Variants in HTR4 observed in about 807,000 individuals in gnomAD.
HTR4 encodes the protein 5-hydroxytryptamine (serotonin) receptor 4, G protein-coupled.
Under a neutral mutation model 36.8 loss-of-function variants are expected in HTR4, and 16 were observed. The ratio of observed to expected loss-of-function variants is 0.43; its 90% CI spans 0.29 to 0.66. The LOEUF (loss-of-function observed/expected upper bound fraction) is 0.66. HTR4 is among the 30% of genes least tolerant of loss of function. The pLI, the probability that HTR4 is intolerant of heterozygous loss-of-function variation, is 0.13. For missense variants in HTR4, 438 were observed against 490.9 expected, an observed-to-expected ratio of 0.89 and a Z score of 1.02; for synonymous variants, 189 against 185.1, an observed-to-expected ratio of 1.02 and a Z score of -0.17.
At chr5:148,616,929 T>C (rs1193251400) in intron 2 of HTR4, among the ~76,000 whole-genome samples, 1 of 152,228 alleles carries the variant, frequency 6.6e-6, no homozygotes, top group Non-Finnish European at 1.5e-5. Flanking sequence ...AGCTATTAGA[T>C]AACTCTACTA....
intron 4 of HTR4, among the ~76,000 whole-genome samples, chr5:148,528,219 A>G (rs536847994): frequency 2.0e-5 from 3 of 152,176 alleles, no homozygotes; most frequent in Non-Finnish European, 4.4e-5. Context: ...AAAAATACTG[A>G]ATTATGTCTA....
chr5:148,654,337 C>T lies in HTR4; in HGVS notation c.-323G>A. ...CCCCAACCGAGCCGGACTCCACGGG[C>T]TCAACAGCCCCCAGCCCCGGTGGTC... On this transcript the variant is annotated 5_prime_UTR_variant, in exon 1 of 7. Transcript: ENST00000377888. 1.0e-6 allele frequency: 1 copy of T among 984,890 alleles called. No individual in the cohort carries two copies. Among genetic ancestry groups the T allele is most frequent in the African/African-American group, 1.7e-5 (1 of 57,366 alleles). The allele number at this position is 984,890 out of a possible 1,614,324, so 61.0% of individuals were successfully genotyped here. A position where few individuals can be genotyped will look rare whatever the true frequency, so the allele number is the denominator to read the frequency against.
chr5:148,534,161 G>A (rs1758703567), intron 4 of HTR4, among the ~76,000 whole-genome samples: 1 of 152,164 alleles, frequency 6.6e-6, no homozygotes, highest in African/African-American at 2.4e-5. Context: ...GGGTAAACAG[G>A]TCATGTATAG....
chr5:148,460,842 C>G (rs1005965777), intron 5 of HTR4, among the ~76,000 whole-genome samples: 2 of 152,000 alleles, frequency 1.3e-5, no homozygotes, highest in Non-Finnish European at 2.9e-5. Flanking sequence ...TTTTATGCTC[C>G]TCAATGGAGT....
downstream of HTR4, among the ~76,000 whole-genome samples, chr5:148,478,628 C>G (rs1755779461): frequency 6.6e-6 from 1 of 152,050 alleles, no homozygotes; most frequent in Non-Finnish European, 1.5e-5. Flanking sequence ...GCTTTAGGCT[C>G]CCAAGAACAT....
intron 2 of HTR4, among the ~76,000 whole-genome samples, chr5:148,607,371 C>T (rs771545287): frequency 2.6e-5 from 4 of 152,158 alleles, no homozygotes; most frequent in South Asian, 2.1e-4. Context: ...GTTGGCCTAG[C>T]CTGCCCATGC....
At chr5:148,454,395 A>G (rs1478430982) in intron 5 of HTR4, among the ~76,000 whole-genome samples, 1 of 152,196 alleles carries the variant, frequency 6.6e-6, no homozygotes, top group African/African-American at 2.4e-5. Flanking sequence ...ACCACTTACC[A>G]ACTTTGTGAC....
intron 6 of HTR4, among the ~76,000 whole-genome samples, chr5:148,505,104 A>G (rs934193750): frequency 5.9e-5 from 9 of 152,186 alleles, no homozygotes; most frequent in African/African-American, 1.9e-4. Flanking sequence ...CCTGATGAAC[A>G]CTGATGCAAA....
intron 2 of HTR4, among the ~76,000 whole-genome samples, chr5:148,600,232 G>A (rs1002928227): frequency 1.1e-4 from 16 of 147,386 alleles, no homozygotes; most frequent in Non-Finnish European, 9.0e-5. Context: ...TTAAATATAA[G>A]GACAAATAAA....
intron 5 of HTR4, among the ~76,000 whole-genome samples, chr5:148,466,365 C>CT (rs2113699058): frequency 6.6e-6 from 1 of 152,336 alleles, no homozygotes; most frequent in Non-Finnish European, 1.5e-5. Context: ...CCCTTTCCTT[C>CT]TTTTAAACAA....
At chr5:148,630,997 A>G (rs1753302320) in intron 2 of HTR4, among the ~76,000 whole-genome samples, 2 of 152,310 alleles carry the variant, frequency 1.3e-5, no homozygotes, top group African/African-American at 4.8e-5. Context: ...CAGAAGATGT[A>G]TAGGATCACG....
intron 2 of HTR4, among the ~76,000 whole-genome samples, chr5:148,556,013 T>C (rs557087613): frequency 1.1e-4 from 16 of 151,862 alleles, no homozygotes; most frequent in African/African-American, 3.9e-4. Flanking sequence ...TCAAGAACAT[T>C]TTTTGTTGTT....
chr5:148,543,360 C>T (rs919940615), intron 4 of HTR4, among the ~76,000 whole-genome samples: 5 of 152,128 alleles, frequency 3.3e-5, no homozygotes, highest in African/African-American at 1.2e-4. Context: ...GACTAAATGA[C>T]ATTGTTCAAA....
intron 2 of HTR4, among the ~76,000 whole-genome samples, chr5:148,591,043 G>A (rs530647618): frequency 1.8e-4 from 27 of 152,172 alleles, no homozygotes; most frequent in South Asian, 1.0e-3. Context: ...AATCTTCTGC[G>A]TATGGCTAGC....
At chr5:148,530,916 A>ATT (rs984226924) in intron 4 of HTR4, among the ~76,000 whole-genome samples, 2 of 152,190 alleles carry the variant, frequency 1.3e-5, no homozygotes, top group African/African-American at 4.8e-5. Context: ...GAGCTTTAAG[A>ATT]TTTTAGTGCC....
At chr5:148,585,869 C>G (rs752128840) in intron 2 of HTR4, among the ~76,000 whole-genome samples, 1 of 152,154 alleles carries the variant, frequency 6.6e-6, no homozygotes, top group Non-Finnish European at 1.5e-5. Flanking sequence ...CTATGCTCCA[C>G]GAAGTATAGT....
chr5:148,490,396 T>G (rs527700935), intron 6 of HTR4, among the ~76,000 whole-genome samples: 1 of 152,028 alleles, frequency 6.6e-6, no homozygotes, highest in Non-Finnish European at 1.5e-5. Flanking sequence ...CCCCCTAAAA[T>G]TGACAGTATC....
At chr5:148,624,237 T>G (rs1753012997) in intron 2 of HTR4, among the ~76,000 whole-genome samples, 1 of 152,188 alleles carries the variant, frequency 6.6e-6, no homozygotes, top group South Asian at 2.1e-4. Context: ...CAAATAGCTG[T>G]AATGTGGTAG....
chr5:148,588,483 C>T (rs746678494), intron 2 of HTR4, among the ~76,000 whole-genome samples: 1 of 149,696 alleles, frequency 6.7e-6, no homozygotes, highest in Non-Finnish European at 1.5e-5. Flanking sequence ...GAAGTTATCA[C>T]TACACTAAAA....
Sources: allele counts gnomAD v4.1 joint callset (sites outside exome capture counted in the v4.1 genomes callset), GRCh38; gene constraint gnomAD v4.1.1; transcripts MANE v1.5; gene names NCBI Gene and HGNC (gene_info 2026-07-23, HGNC 2026-07-21).